GALNT13: variants seen among roughly 807,000 people sequenced by gnomAD.
GALNT13 encodes polypeptide N-acetylgalactosaminyltransferase 13, also known as UDP-GalNAc:polypeptide N-acetylgalactosaminyltransferase 13.
GALNT13 carries 28 observed loss-of-function variants against 64.2 expected under a neutral mutation model. That is an observed-to-expected ratio of 0.44 (90% confidence interval 0.32 to 0.60). The LOEUF (loss-of-function observed/expected upper bound fraction) is 0.60, where lower values mean the gene tolerates loss of function less well. Among genes scored for constraint, GALNT13 ranks in the 20% least tolerant of loss-of-function variants. The pLI is 0.05. For synonymous variants in GALNT13, 214 were observed against 224.6 expected, an observed-to-expected ratio of 0.95 and a Z score of 0.42; for missense variants, 577 against 669.8, an observed-to-expected ratio of 0.86 and a Z score of 1.53.
At chr2:154,085,843 G>A (rs1701493240) in intron 3 of GALNT13, among the ~76,000 whole-genome samples, 1 of 151,930 alleles carries the variant, frequency 6.6e-6, no homozygotes, top group Non-Finnish European at 1.5e-5. Flanking sequence ...GTGGGAAGAT[G>A]GCTTAAGGCC....
the GALNT13 span, among the ~76,000 whole-genome samples, chr2:153,702,100 A>C: frequency 6.6e-6 from 1 of 152,188 alleles, no homozygotes; most frequent in Non-Finnish European, 1.5e-5. Context: ...TCACTGATAG[A>C]CTGAATAAAG....
rs544954074 is a variant in GALNT13 at position 154,136,205 on chromosome 2, C to A, written c.143-4132C>A. Among the ~76,000 whole-genome samples, 4 of 152,220 alleles carry A rather than the reference C, an allele frequency of 2.6e-5. No individual in the cohort carries two copies. In the East Asian group the frequency reaches 7.7e-4, roughly 29 times the overall value. ...TTAAAGGAAAATATACAGAAAGTAA[C>A]AACTGAGTAGATCTAAGACTAGAAA... On this transcript the variant is annotated intron_variant, in intron 3 of 12. Coordinates refer to ENST00000392825, the MANE Select transcript of GALNT13 (RefSeq NM_052917.4).
chr2:154,145,355 A>G (rs913519421), intron 4 of GALNT13, among the ~76,000 whole-genome samples: 1 of 151,728 alleles, frequency 6.6e-6, no homozygotes, highest in African/African-American at 2.4e-5. Flanking sequence ...TTATGGGGCT[A>G]AGATTTGTAA....
rs751454720 is a variant in GALNT13, at chr2:154,098,339, G to T, written c.143-41998G>T. 1.8e-4 allele frequency among the ~76,000 whole-genome samples: 27 copies of T among 151,478 alleles called. 1 individual carries two copies. Among genetic ancestry groups the T allele is most frequent in the South Asian group, 4.2e-4 (2 of 4,802 alleles). On this transcript the variant is annotated intron_variant, in intron 3 of 12. Coordinates refer to ENST00000392825, the MANE Select transcript of GALNT13 (RefSeq NM_052917.4). ...CTTCTATTATAAAACCTTTTGAATG[G>T]ATTATTTTTTTTTCTTCGTACTCTT...
At chr2:154,141,803 A>C (rs1683275637) in intron 4 of GALNT13, among the ~76,000 whole-genome samples, 1 of 152,196 alleles carries the variant, frequency 6.6e-6, no homozygotes, top group Non-Finnish European at 1.5e-5. Flanking sequence ...TATAATTAGA[A>C]TGCTTAATTA....
chr2:153,778,856 T>C, the GALNT13 span, among the ~76,000 whole-genome samples: 1 of 152,196 alleles, frequency 6.6e-6, no homozygotes, highest in Non-Finnish European at 1.5e-5. Flanking sequence ...TTCTTCATTA[T>C]TTTTCTGTAC....
the GALNT13 span, among the ~76,000 whole-genome samples, chr2:153,462,537 G>A: frequency 6.6e-6 from 1 of 152,116 alleles, no homozygotes; most frequent in African/African-American, 2.4e-5. Flanking sequence ...CTCTCTTGAA[G>A]ATTGATGCAG....
chr2:153,673,217 T>C, the GALNT13 span, among the ~76,000 whole-genome samples: 6 of 152,062 alleles, frequency 3.9e-5, no homozygotes, highest in African/African-American at 1.4e-4. Flanking sequence ...ATGAGGCCAG[T>C]ATCACCCTAA....
chr2:153,101,292 C>G, the GALNT13 span, among the ~76,000 whole-genome samples: 3 of 152,190 alleles, frequency 2.0e-5, no homozygotes, highest in Admixed American at 1.3e-4. Flanking sequence ...TACCTAGATT[C>G]TCCCAGGCCA....
At chr2:153,406,373 AAG>A in the GALNT13 span, among the ~76,000 whole-genome samples, 1 of 152,066 alleles carries the variant, frequency 6.6e-6, no homozygotes, top group African/African-American at 2.4e-5. Context: ...CATCACTCTT[AAG>A]AGAGATTTTA....
chr2:153,492,018 C>T, the GALNT13 span, among the ~76,000 whole-genome samples: 2 of 151,962 alleles, frequency 1.3e-5, no homozygotes, highest in African/African-American at 4.8e-5. Flanking sequence ...AATTCCAATT[C>T]CATTTAAAAA....
At chr2:154,002,244 C>G (rs1695960120) in intron 3 of GALNT13, among the ~76,000 whole-genome samples, 2 of 152,148 alleles carry the variant, frequency 1.3e-5, no homozygotes, top group Admixed American at 6.6e-5. Flanking sequence ...CCATTATTGT[C>G]TTAAATAATC....
rs578102563 is a variant in GALNT13 at position 154,212,416 on chromosome 2, G to A, written c.312-29614G>A. ...TCGCCACCACGCCCGGCTAACTTTT[G>A]TATTTTTAGTAGAGACAAGGTTTCA... is the stretch of plus-strand genomic sequence containing the variant. On this transcript the variant is annotated intron_variant, in intron 4 of 12. Coordinates refer to ENST00000392825, the MANE Select transcript of GALNT13 (RefSeq NM_052917.4). Among the ~76,000 whole-genome samples the A allele has an allele frequency of 2.0e-4, 30 of 152,112 alleles. No homozygotes were observed. In the South Asian group the frequency reaches 3.7e-3, roughly 19 times the overall value.
chr2:154,167,680 A>G (rs938208656), intron 4 of GALNT13, among the ~76,000 whole-genome samples: 1 of 152,182 alleles, frequency 6.6e-6, no homozygotes, highest in African/African-American at 2.4e-5. Context: ...AACTTAATGT[A>G]GGGAGAGAAA....
chr2:153,558,517 G>C, the GALNT13 span, among the ~76,000 whole-genome samples: 1 of 152,018 alleles, frequency 6.6e-6, no homozygotes, highest in African/African-American at 2.4e-5. Context: ...GTTTATAACA[G>C]TGGTTTGTAC....
chr2:153,794,177 A>G, the GALNT13 span, among the ~76,000 whole-genome samples: 1 of 152,236 alleles, frequency 6.6e-6, no homozygotes, highest in Non-Finnish European at 1.5e-5. Flanking sequence ...TCTGAGATCT[A>G]GGTTAATAAA....
the GALNT13 span, among the ~76,000 whole-genome samples, chr2:153,375,600 A>G: frequency 6.6e-6 from 1 of 152,142 alleles, no homozygotes; most frequent in Non-Finnish European, 1.5e-5. Flanking sequence ...TGTTATTTTA[A>G]TTTTGAACCC....
At chr2:153,988,312 C>A (rs1694940308) in intron 3 of GALNT13, among the ~76,000 whole-genome samples, 1 of 151,862 alleles carries the variant, frequency 6.6e-6, no homozygotes, top group Admixed American at 6.6e-5. Context: ...AACAACTTTT[C>A]ATTCCCTCTC....
intron 3 of GALNT13, among the ~76,000 whole-genome samples, chr2:154,090,884 A>G (rs1287912318): frequency 6.6e-6 from 1 of 152,032 alleles, no homozygotes; most frequent in East Asian, 1.9e-4. Flanking sequence ...GGTTATAGAA[A>G]GCAATCACAG....
Sources: allele counts gnomAD v4.1 joint callset (sites outside exome capture counted in the v4.1 genomes callset), GRCh38; gene constraint gnomAD v4.1.1; transcripts MANE v1.5; gene names NCBI Gene and HGNC (gene_info 2026-07-23, HGNC 2026-07-21).